SPIDR: variants seen among roughly 807,000 people sequenced by gnomAD.
The protein encoded by SPIDR is DNA repair-scaffolding protein.
SPIDR carries 93 observed loss-of-function variants against 104.6 expected under a neutral mutation model. The observed-to-expected ratio is 0.89, with a 90% CI of 0.75 to 1.06. The LOEUF (loss-of-function observed/expected upper bound fraction) is 1.06, where lower values mean the gene tolerates loss of function less well. Among genes scored for constraint, SPIDR ranks in the 50% least tolerant of loss-of-function variants. SPIDR has a pLI of 0.00. For missense variants in SPIDR, 1,154 were observed against 1,111.2 expected (o/e 1.04, Z -0.55); for synonymous variants, 431 against 416.9 (o/e 1.03, Z -0.41).
In SPIDR at chr8:47,440,361, C is replaced by T. The variant is rs1355728894; in HGVS notation, c.916C>T (p.Leu306=). The change falls in exon 8 of 20, where the codon CTG becomes TTG. Residue 306 remains leucine (L), a synonymous_variant. Transcript: ENST00000297423. ...SGVLTVKILE[L]HEECAMQVAM... is the part of the protein sequence containing the mutation. ...TGTATTAACTGTGAAAATTTTAGAGCTGCATGAGGAATGTGCCATGCAAGT... is the reference window on the plus strand; with the variant it reads ...TGTATTAACTGTGAAAATTTTAGAGTTGCATGAGGAATGTGCCATGCAAGT... 1.2e-6 allele frequency: 2 copies of T among 1,614,052 alleles called. No homozygotes were observed. Among genetic ancestry groups the T allele is most frequent in the African/African-American group, 2.7e-5 (2 of 74,942 alleles).
intron 8 of SPIDR, among the ~76,000 whole-genome samples, chr8:47,513,118 C>T (rs1431537976): frequency 6.6e-6 from 1 of 152,180 alleles, no homozygotes; most frequent in Admixed American, 6.5e-5. Context: ...GCTGTTCAAA[C>T]AAATTTAAGC....
At chr8:47,535,761 C>T (rs1427035086) in intron 8 of SPIDR, among the ~76,000 whole-genome samples, 1 of 151,936 alleles carries the variant, frequency 6.6e-6, no homozygotes, top group Non-Finnish European at 1.5e-5. Flanking sequence ...TGCAAAGAAA[C>T]CTGCAGCTGA....
At position 47,595,951 on chromosome 8, in the gene SPIDR, C is replaced by T. The variant is rs376313020; in HGVS notation, c.1238C>T (p.Ser413Phe). The change falls in exon 9 of 20, where the codon TCT becomes TTT. Residue 413 changes from serine to phenylalanine, a missense_variant. Ser to Phe is a radical substitution (Grantham distance 155). Coordinates refer to ENST00000297423, the MANE Select transcript of SPIDR (RefSeq NM_001080394.4). The stretch of plus-strand genomic sequence containing the variant: ...ATACCCCTTCCAAGAAGAAGCATCT[C>T]TTTGGCCCAGATGTTTGTAATTAAG... The part of the protein sequence containing the change: ...PDIPLPRRSI[S>F]LAQMFVIKGL... The T allele has an allele frequency of 5.6e-5, 91 of 1,614,036 alleles. No individual in the cohort carries two copies. The highest frequency in any genetic ancestry group is 7.5e-5 in the Non-Finnish European group (89 of 1,180,022).
At chr8:47,450,968 T>C (rs1172545775) in intron 8 of SPIDR, among the ~76,000 whole-genome samples, 1 of 152,210 alleles carries the variant, frequency 6.6e-6, no homozygotes, top group East Asian at 1.9e-4. Context: ...CCAGAGTTTT[T>C]ATAAAGTACT....
At chr8:47,663,597 G>A (rs570870277) in intron 10 of SPIDR, among the ~76,000 whole-genome samples, 1 of 152,332 alleles carries the variant, frequency 6.6e-6, no homozygotes, top group South Asian at 2.1e-4. Flanking sequence ...CTCACTGCAT[G>A]TGTTGCACTT....
rs1390481777 is a variant in SPIDR at position 47,701,958 on chromosome 8, G to T, written c.1920G>T (p.Met640Ile). 2.5e-6 allele frequency: 4 copies of T among 1,613,930 alleles called. No individual in the cohort carries two copies. The highest frequency in any genetic ancestry group is 3.4e-6 in the Non-Finnish European group (4 of 1,180,012). The change falls in exon 14 of 20, where the codon ATG (methionine) becomes ATT (isoleucine). Residue 640 changes from methionine to isoleucine, a missense_variant and splice_region_variant. Coordinates refer to ENST00000297423, the MANE Select transcript of SPIDR (RefSeq NM_001080394.4). ...AACCTTTTCTAATTCCTTTCCAGAT[G>T]AATGATCTTGGTACCCGTTGCAGTT... ...VTRCLRDILQ[M>I]NDLGTRCSFY...
chr8:47,621,220 G>T (rs530083577), intron 10 of SPIDR, among the ~76,000 whole-genome samples: 3 of 152,224 alleles, frequency 2.0e-5, no homozygotes, highest in Non-Finnish European at 4.4e-5. Flanking sequence ...CTCCCAAAGT[G>T]CTGGGATTAC....
chr8:47,680,197 A>C (rs940746666), intron 11 of SPIDR, among the ~76,000 whole-genome samples: 1 of 152,200 alleles, frequency 6.6e-6, no homozygotes, highest in Non-Finnish European at 1.5e-5. Flanking sequence ...GTGAGTGTTC[A>C]TTATGAATTT....
At chr8:47,735,236 G>C in intron 19 of SPIDR, 71 bp from the exon 20 acceptor site, 2 of 1,498,806 alleles carry the variant, frequency 1.3e-6, no homozygotes, top group South Asian at 2.3e-5. Flanking sequence ...TGGCTCTCTG[G>C]TTTTCCGTGT....
intron 5 of SPIDR, among the ~76,000 whole-genome samples, chr8:47,309,954 G>A (rs1554583901): frequency 7.9e-5 from 12 of 151,852 alleles, no homozygotes; most frequent in Non-Finnish European, 2.9e-5. Context: ...CAGGAGAATG[G>A]CGTGAACCCG....
intron 5 of SPIDR, among the ~76,000 whole-genome samples, chr8:47,330,149 T>C (rs2048406890): frequency 6.6e-6 from 1 of 152,126 alleles, no homozygotes; most frequent in African/African-American, 2.4e-5. Context: ...TATCTAAAAA[T>C]GTATTTATCA....
At chr8:47,277,730 A>G (rs987622288) in intron 1 of SPIDR, among the ~76,000 whole-genome samples, 1 of 146,744 alleles carries the variant, frequency 6.8e-6, no homozygotes, top group Non-Finnish European at 1.5e-5. Flanking sequence ...CTGGAGTGCA[A>G]GTGGCTCAAA....
chr8:47,452,200 C>T (rs563152449), intron 8 of SPIDR, among the ~76,000 whole-genome samples: 12 of 152,134 alleles, frequency 7.9e-5, no homozygotes, highest in Admixed American at 5.9e-4. Context: ...TATAAGGGAT[C>T]CTCAATAATA....
intron 8 of SPIDR, among the ~76,000 whole-genome samples, chr8:47,577,553 A>G (rs1015739058): frequency 3.3e-5 from 5 of 152,212 alleles, no homozygotes; most frequent in African/African-American, 9.6e-5. Context: ...TGCATCCACA[A>G]CCAAATGCAG....
At chr8:47,690,862 A>C (rs2154479398) in intron 11 of SPIDR, among the ~76,000 whole-genome samples, 1 of 152,340 alleles carries the variant, frequency 6.6e-6, no homozygotes, top group East Asian at 1.9e-4. Flanking sequence ...AATGTGAGAC[A>C]TTCCAGAGTT....
At chr8:47,491,196 A>C (rs1003080511) in intron 8 of SPIDR, among the ~76,000 whole-genome samples, 8 of 152,174 alleles carry the variant, frequency 5.3e-5, no homozygotes, top group African/African-American at 1.9e-4. Flanking sequence ...TAAGTTTTTT[A>C]CTGAAGCAAT....
At chr8:47,697,593 C>T (rs1047071439) in intron 11 of SPIDR, among the ~76,000 whole-genome samples, 2 of 152,304 alleles carry the variant, frequency 1.3e-5, no homozygotes, top group Middle Eastern at 3.4e-3. Flanking sequence ...GGAGCAGCTG[C>T]GTGTTCTGCA....
chr8:47,455,988 T>C (rs1329582976), intron 8 of SPIDR, among the ~76,000 whole-genome samples: 1 of 152,122 alleles, frequency 6.6e-6, no homozygotes, highest in Non-Finnish European at 1.5e-5. Flanking sequence ...TCAACAGCTG[T>C]ATAAACCAAT....
At chr8:47,405,804 A>G (rs1359839656) in intron 6 of SPIDR, among the ~76,000 whole-genome samples, 3 of 152,068 alleles carry the variant, frequency 2.0e-5, no homozygotes, top group Non-Finnish European at 2.9e-5. Flanking sequence ...TTAACATGAG[A>G]TATGTTTTTA....
Sources: gnomAD v4.1 joint callset for allele counts (sites outside exome capture counted in the v4.1 genomes callset) on GRCh38, gnomAD v4.1.1 for gene constraint, MANE v1.5 for transcripts, NCBI Gene and HGNC (gene_info 2026-07-23, HGNC 2026-07-21) for gene names.